GAS6: variants seen among roughly 807,000 people sequenced by gnomAD.
GAS6 encodes growth arrest specific 6, also known as growth arrest-specific protein 6.
GAS6 carries 41 observed loss-of-function variants against 75.8 expected under a neutral mutation model. That is an observed-to-expected ratio of 0.54 (90% CI 0.42 to 0.70). The LOEUF is 0.70. GAS6 is among the 30% of genes least tolerant of loss of function. The probability of loss-of-function intolerance (pLI) is 0.00; values close to 1 mark genes in which losing one functional copy is unlikely to be tolerated. For synonymous variants in GAS6, 432 were observed against 412.6 expected (o/e 1.05, Z -0.57); for missense variants, 854 against 940.2 (o/e 0.91, Z 1.20).
At position 113,844,566 on chromosome 13, in the gene GAS6, G is replaced by C. The variant is rs1346459002; in HGVS notation, c.343+1961C>G. ...ACAGTCTCCGATATATGAATGGCAA[G>C]CCCAGTTAAAAATATCTAAAGGGCT... On this transcript the variant is annotated intron_variant, in intron 4 of 14. Transcript: ENST00000327773. The surrounding 1 kb of genome is among the most constrained non-coding windows in gnomAD (Gnocchi z 5.7). The C allele has an allele frequency of 1.3e-5, 2 of 150,578 alleles. 1 individual carries two copies. Among genetic ancestry groups the C allele is most frequent in the African/African-American group, 5.0e-5 (2 of 40,016 alleles). The allele number at this position is 150,578 out of a possible 1,614,324, so 9.3% of individuals were successfully genotyped here. A position where few individuals can be genotyped will look rare whatever the true frequency, so the allele number is the denominator to read the frequency against.
At chr13:113,850,885 A>AATGG (rs2051867831) in intron 2 of GAS6, among the ~76,000 whole-genome samples, 1 of 152,084 alleles carries the variant, frequency 6.6e-6, no homozygotes, top group Non-Finnish European at 1.5e-5. Context: ...TGAATGAATG[A>AATGG]ATGGATGGAT....
Position 113,845,570 on chromosome 13 carries a change from AAAT to A in GAS6, c.343+954_343+956del, listed in dbSNP as rs1345201322. 6.7e-6 allele frequency: 1 copy of A among 149,332 alleles called. No individual in the cohort carries two copies. Among genetic ancestry groups the A allele is most frequent in the Non-Finnish European group, 1.5e-5 (1 of 67,942 alleles). The allele number at this position is 149,332 out of a possible 1,614,324, so 9.3% of individuals were successfully genotyped here. ...TCAATCTTATTGCATGATAATTTTA[AAAT>A]AATAAAAAAGACTTGTGGCAAGCTG... On this transcript the variant is annotated intron_variant, in intron 4 of 14. Coordinates refer to ENST00000327773, the MANE Select transcript of GAS6 (RefSeq NM_000820.4). The surrounding 1 kb of genome is among the most constrained non-coding windows in gnomAD (Gnocchi z 4.3).
intron 14 of GAS6, 138 bp downstream of exon 14, chr13:113,821,820 T>C (rs1268404131): frequency 1.5e-6 from 1 of 651,134 alleles, no homozygotes; most frequent in Non-Finnish European, 2.5e-6. Context: ...CACCTGGACT[T>C]CTCCTTCCTC....
In GAS6 at chr13:113,844,581, T is replaced by C. The variant is rs188666477; in HGVS notation, c.343+1946A>G. On this transcript the variant is annotated intron_variant, in intron 4 of 14. Transcript: ENST00000327773. This position sits in a 1 kb window ranked among gnomAD's most constrained non-coding sequence, Gnocchi z 5.7. ...TGAATGGCAAGCCCAGTTAAAAATA[T>C]CTAAAGGGCTTTTTTAGGTTTTTAA... is the stretch of plus-strand genomic sequence containing the variant. The C allele has an allele frequency of 6.6e-6, 1 of 150,732 alleles. No individual in the cohort carries two copies. The highest frequency in any genetic ancestry group is 1.9e-4 in the East Asian group (1 of 5,194). 9.3% of individuals were successfully genotyped at this position (150,732 alleles called of 1,614,324 possible). A position where few individuals can be genotyped will look rare whatever the true frequency, so the allele number is the denominator to read the frequency against.
intron 2 of GAS6, among the ~76,000 whole-genome samples, chr13:113,858,635 GTGTGTT>G (rs1406391167): frequency 5.9e-4 from 66 of 110,956 alleles, no homozygotes; most frequent in Non-Finnish European, 2.0e-4. Flanking sequence ...ATGCATGTCT[GTGTGTT>G]TGTGACTGTA....
At chr13:113,839,473 C>T (rs1026883442) in intron 5 of GAS6, 1 of 440,296 alleles carries the variant, frequency 2.3e-6, no homozygotes, top group Non-Finnish European at 4.0e-6. Context: ...GTGAAATTTC[C>T]CCCCCCGCCC....
intron 10 of GAS6, among the ~76,000 whole-genome samples, chr13:113,829,495 G>GAAGGTCCCAATCTC (rs1594192982): frequency 8.5e-5 from 12 of 141,846 alleles, no homozygotes; most frequent in Admixed American, 2.8e-4. Context: ...CCTGGGCCAA[G>GAAGGTCCCAATCTC]AGGGACCTGA....
intron 3 of GAS6, chr13:113,846,864 A>G (rs59907818): frequency 0.012 from 6,241 of 515,862 alleles, 331 homozygotes; most frequent in African/African-American, 0.11. Context: ...TCCTCCTGCC[A>G]TACGGGAGAA....
intron 2 of GAS6, among the ~76,000 whole-genome samples, chr13:113,854,794 G>A (rs934356072): frequency 6.6e-6 from 1 of 152,260 alleles, no homozygotes; most frequent in African/African-American, 2.4e-5. Context: ...TGTTGGATGG[G>A]AGGGATGCTG....
chr13:113,863,773 G>A lies in GAS6; in HGVS notation c.89-32C>T. 2.1e-6 allele frequency: 3 copies of A among 1,443,486 alleles called. No individual in the cohort carries two copies. Among genetic ancestry groups the A allele is most frequent in the South Asian group, 1.4e-5 (1 of 72,606 alleles). The allele number at this position is 1,443,486 out of a possible 1,614,324, so 89.4% of individuals were successfully genotyped here. A position where few individuals can be genotyped will look rare whatever the true frequency, so the allele number is the denominator to read the frequency against. ...GGAGGGAGAGAGGGGGACGCGTCAA[G>A]CCGCGCCCGGAGCCTCCTCCCGCCG... is the stretch of plus-strand genomic sequence containing the variant. On this transcript the variant is annotated intron_variant, in intron 1 of 14. Coordinates refer to ENST00000327773, the MANE Select transcript of GAS6 (RefSeq NM_000820.4). This position sits in a 1 kb window ranked among gnomAD's most constrained non-coding sequence, Gnocchi z 9.4.
In GAS6 at chr13:113,863,846, C is replaced by G; in HGVS notation, c.75G>C (p.Ala25=). The G allele has an allele frequency of 1.6e-6, 2 of 1,279,806 alleles. No individual in the cohort carries two copies. The highest frequency in any genetic ancestry group is 2.0e-6 in the Non-Finnish European group (2 of 1,018,370). The allele number at this position is 1,279,806 out of a possible 1,614,324, so 79.3% of individuals were successfully genotyped here. The change falls in exon 1 of 15, where the codon GCG becomes GCC. Residue 25 remains alanine (A), a synonymous_variant. Transcript: ENST00000327773. This position sits in a 1 kb window ranked among gnomAD's most constrained non-coding sequence, Gnocchi z 9.4. ...CGCGGGACTCACCAAGCGCGCACTC[C>G]GCGGCCAGCAGCAGCAGCAGCAGCT... is the stretch of plus-strand genomic sequence containing the variant. ...APQLLLLLLA[A]ECALAALLPA...
At chr13:113,843,008 G>A (rs2051802116) in intron 4 of GAS6, 1 of 394,866 alleles carries the variant, frequency 2.5e-6, no homozygotes, top group Non-Finnish European at 4.4e-6. Flanking sequence ...GGAATGTATT[G>A]ATACCTCTAG....
intron 10 of GAS6, among the ~76,000 whole-genome samples, chr13:113,830,979 C>G (rs1248230574): frequency 6.6e-6 from 1 of 152,260 alleles, no homozygotes; most frequent in Admixed American, 6.5e-5. Flanking sequence ...TGGAGCGAGG[C>G]ATTGCTTTGC....
rs113753474 is a variant in GAS6 at position 113,856,674 on chromosome 13, TC to T, written c.255+6900del. Reference sequence around the variant, plus strand: ...AAAGCCAGCCTGCCCGTAAACACTGTCATGTATTTCCCACAAGTGTAAAAAG... The same window carrying T: ...AAAGCCAGCCTGCCCGTAAACACTGTATGTATTTCCCACAAGTGTAAAAAG... On this transcript the variant is annotated intron_variant, in intron 2 of 14. Transcript: ENST00000327773. 1.7e-4 allele frequency among the ~76,000 whole-genome samples: 26 copies of T among 152,278 alleles called. 1 individual carries two copies. The highest frequency in any genetic ancestry group is 6.0e-4 in the African/African-American group (25 of 41,558).
At chr13:113,854,857 G>A (rs550228181) in intron 2 of GAS6, among the ~76,000 whole-genome samples, 2 of 152,334 alleles carry the variant, frequency 1.3e-5, no homozygotes, top group South Asian at 2.1e-4. Flanking sequence ...CTGTTTGCAC[G>A]TGGTGGGCAG....
chr13:113,833,127 A>G (rs1444455627), intron 8 of GAS6: 1 of 1,166,664 alleles, frequency 8.6e-7, no homozygotes, highest in African/African-American at 1.6e-5. Flanking sequence ...CTGTCCTGGA[A>G]AGTTCCCTGT....
At chr13:113,838,760 C>G (rs1314142422) in intron 5 of GAS6, among the ~76,000 whole-genome samples, 1 of 150,592 alleles carries the variant, frequency 6.6e-6, no homozygotes, top group Non-Finnish European at 1.5e-5. Flanking sequence ...CACAGCCCAG[C>G]ACTGGAGCAG....
At position 113,832,437 on chromosome 13, in the gene GAS6, G is replaced by C. The variant is rs200350506; in HGVS notation, c.1005C>G (p.Leu335=). The C allele has an allele frequency of 3.1e-6, 5 of 1,609,490 alleles. No homozygotes were observed. The highest frequency in any genetic ancestry group is 4.2e-6 in the Non-Finnish European group (5 of 1,177,472). The change falls in exon 10 of 15, where the codon CTC becomes CTG. Residue 335 remains leucine, a synonymous_variant. Transcript: ENST00000327773. ...TGCTGTCCTGGTGGCCTCCGGCAAAGAGGAGGATGCCCTCGGGGTCAAAGG... is the reference window on the plus strand; with the variant it reads ...TGCTGTCCTGGTGGCCTCCGGCAAACAGGAGGATGCCCTCGGGGTCAAAGG... ...FRTFDPEGIL[L]FAGGHQDSTW... is the part of the protein sequence containing the mutation.
intron 12 of GAS6, among the ~76,000 whole-genome samples, chr13:113,824,376 A>G (rs76124779): frequency 0.014 from 855 of 59,678 alleles, 61 homozygotes; most frequent in South Asian, 0.14. Flanking sequence ...CTGAGCTGTC[A>G]GGAGCACGCG....
Sources: gnomAD v4.1 joint callset for allele counts (sites outside exome capture counted in the v4.1 genomes callset) on GRCh38, gnomAD v4.1.1 for gene constraint, Gnocchi (gnomAD v3.1) non-coding constraint, MANE v1.5 for transcripts, NCBI Gene and HGNC (gene_info 2026-07-23, HGNC 2026-07-21) for gene names.